The following GFPT2 variants were observed in gnomAD, a reference collection of about 807,000 sequenced individuals.
GFPT2 encodes glutamine--fructose-6-phosphate transaminase 2, also known as glutamine--fructose-6-phosphate aminotransferase [isomerizing] 2.
GFPT2 carries 62 observed loss-of-function variants against 85.6 expected under a neutral mutation model. That is an observed-to-expected ratio of 0.72 (90% CI 0.59 to 0.90). GFPT2 has a LOEUF of 0.90. GFPT2 is among the 40% of genes least tolerant of loss of function. The pLI, the probability that GFPT2 is intolerant of heterozygous loss-of-function variation, is 0.00. For synonymous variants in GFPT2, 368 were observed against 344.5 expected, an observed-to-expected ratio of 1.07 and a Z score of -0.75; for missense variants, 788 against 893.4, an observed-to-expected ratio of 0.88 and a Z score of 1.50.
At chr5:180,320,201 C>T (rs1204592476) in intron 9 of GFPT2, among the ~76,000 whole-genome samples, 2 of 151,892 alleles carry the variant, frequency 1.3e-5, no homozygotes, top group African/African-American at 4.8e-5. Context: ...ACCGTGTTAG[C>T]CAGGATGGTC....
chr5:180,327,695 T>A (rs969846455), intron 7 of GFPT2, among the ~76,000 whole-genome samples: 1 of 152,200 alleles, frequency 6.6e-6, no homozygotes, highest in Admixed American at 6.5e-5. Flanking sequence ...GATCAACCTA[T>A]GTGAATATAA....
At chr5:180,309,960 A>C (rs2386858) in intron 15 of GFPT2, among the ~76,000 whole-genome samples, 1 of 150,736 alleles carries the variant, frequency 6.6e-6, no homozygotes, top group Non-Finnish European at 1.5e-5. Context: ...ACAGGTGCCC[A>C]CCACCACGCC....
intron 17 of GFPT2, among the ~76,000 whole-genome samples, chr5:180,303,892 G>A (rs1561870499): frequency 6.6e-6 from 1 of 152,170 alleles, no homozygotes. Context: ...ATAGTTCCAG[G>A]ATGGCGTCTG....
At chr5:180,331,359 T>C (rs1764296837) in intron 5 of GFPT2, 136 bp downstream of exon 5, 1 of 640,874 alleles carries the variant, frequency 1.6e-6, no homozygotes, top group African/African-American at 1.8e-5. Flanking sequence ...AGGTTTCTTC[T>C]CAACACGGTG....
At position 180,304,900 on chromosome 5, in the gene GFPT2, G is replaced by A. The variant is rs1341274719; in HGVS notation, c.1714C>T (p.Leu572=). Residue 572 remains leucine, a synonymous_variant, in exon 17 of 19, where the codon CTG becomes TTG. Coordinates refer to ENST00000253778, the MANE Select transcript of GFPT2 (RefSeq NM_005110.4). ...GGCCCGTGCTTCAGCTCCCCAGCCA[G>A]GATGCCTTCTGAGTGCATGTAGGTT... ...EITYMHSEGI[L]AGELKHGPLA... The A allele has an allele frequency of 7.4e-6, 12 of 1,613,356 alleles. No individual in the cohort carries two copies. The highest frequency in any genetic ancestry group is 1.0e-5 in the Non-Finnish European group (12 of 1,179,260).
At chr5:180,345,044 A>T (rs552134386) in intron 1 of GFPT2, among the ~76,000 whole-genome samples, 161 of 152,310 alleles carry the variant, frequency 1.1e-3, no homozygotes, top group Non-Finnish European at 1.9e-3. Flanking sequence ...CCTTGATTTC[A>T]GTGCACTCTC....
chr5:180,349,873 T>C (rs1764677717), intron 1 of GFPT2, among the ~76,000 whole-genome samples: 1 of 147,712 alleles, frequency 6.8e-6, no homozygotes, highest in African/African-American at 2.5e-5. Flanking sequence ...CTCTTCACAG[T>C]GATTGTTTTT....
At chr5:180,313,534 G>C (rs1168182224) in intron 14 of GFPT2, among the ~76,000 whole-genome samples, 1 of 151,568 alleles carries the variant, frequency 6.6e-6, no homozygotes, top group East Asian at 2.0e-4. Flanking sequence ...AGCTTGCAGT[G>C]AGCCGAGATC....
Position 180,321,909 on chromosome 5 carries a change from G to A in GFPT2, c.794+2279C>T, listed in dbSNP as rs556900980. On this transcript the variant is annotated intron_variant, in intron 9 of 18. Transcript: ENST00000253778. Reference sequence around the variant, plus strand: ...CGCCATTCTCCTGCCTCAGCCTCCCGAGTAGCTGGGACTACAGGCCTCCGC... The same window carrying A: ...CGCCATTCTCCTGCCTCAGCCTCCCAAGTAGCTGGGACTACAGGCCTCCGC... Among the ~76,000 whole-genome samples, 31 of 152,118 alleles carry A rather than the reference G, an allele frequency of 2.0e-4. 1 individual carries two copies. In the East Asian group the frequency reaches 4.4e-3, roughly 22 times the overall value.
chr5:180,304,968 C>A (rs1271865953), intron 16 of GFPT2, 29 bp from the exon 17 acceptor site: 1 of 1,544,524 alleles, frequency 6.5e-7, no homozygotes, highest in Non-Finnish European at 8.9e-7. Context: ...ATCAGAGTCA[C>A]ACTGGGCAGA....
intron 1 of GFPT2, among the ~76,000 whole-genome samples, chr5:180,351,134 C>G (rs549806585): frequency 6.6e-6 from 1 of 152,148 alleles, no homozygotes; most frequent in African/African-American, 2.4e-5. Flanking sequence ...TGAATTCATG[C>G]CAAAAGAAAA....
At chr5:180,316,931 G>A (rs753238991) in intron 11 of GFPT2, 32 bp downstream of exon 11, 1 of 1,558,712 alleles carries the variant, frequency 6.4e-7, no homozygotes, top group South Asian at 1.1e-5. Context: ...ACTAGGCTCG[G>A]GCGGAGGCTC....
intron 4 of GFPT2, among the ~76,000 whole-genome samples, chr5:180,332,631 G>A (rs1008677974): frequency 6.6e-6 from 1 of 152,038 alleles, no homozygotes; most frequent in Non-Finnish European, 1.5e-5. Flanking sequence ...GCTGCCTCCC[G>A]GGTTCAAGCG....
intron 4 of GFPT2, 163 bp from the exon 5 acceptor site, chr5:180,331,716 A>T (rs1581383118): frequency 1.5e-6 from 1 of 651,266 alleles, no homozygotes; most frequent in Non-Finnish European, 2.8e-6. Flanking sequence ...TTACGGCAGC[A>T]ACTACAGTGG....
At chr5:180,313,250 AC>A (rs938453072) in intron 14 of GFPT2, among the ~76,000 whole-genome samples, 3 of 152,132 alleles carry the variant, frequency 2.0e-5, no homozygotes, top group African/African-American at 7.2e-5. Context: ...CCACAGGACA[AC>A]ATGGACGAAA....
chr5:180,320,602 G>A (rs899817066), intron 9 of GFPT2, among the ~76,000 whole-genome samples: 7 of 151,974 alleles, frequency 4.6e-5, no homozygotes, highest in Admixed American at 3.3e-4. Context: ...GCAAAACCCC[G>A]TCTCTACTAA....
chr5:180,331,001 T>C, intron 5 of GFPT2, 167 bp from the exon 6 acceptor site: 1 of 622,960 alleles, frequency 1.6e-6, no homozygotes, highest in Non-Finnish European at 2.8e-6. Flanking sequence ...CAAATACCTC[T>C]GAGTCACTCC....
rs1278156994 is a variant in GFPT2 at position 180,318,966 on chromosome 5, G to A, written c.795-10C>T. ...GTGCTCTATGATAGCGCTGGGGCAA[G>A]GGAAACAGGCATCATCAGTGCCCTG... On this transcript the variant is annotated splice_polypyrimidine_tract_variant and intron_variant, in intron 9 of 18. Coordinates refer to ENST00000253778, the MANE Select transcript of GFPT2 (RefSeq NM_005110.4). The surrounding 1 kb of genome is among the most constrained non-coding windows in gnomAD (Gnocchi z 4.2). The A allele has an allele frequency of 3.1e-6, 5 of 1,610,646 alleles. No homozygotes were observed. Among genetic ancestry groups the A allele is most frequent in the Admixed American group, 1.7e-5 (1 of 59,982 alleles).
chr5:180,316,143 C>T (rs1490561211), intron 13 of GFPT2, among the ~76,000 whole-genome samples, 198 bp downstream of exon 13: 1 of 151,896 alleles, frequency 6.6e-6, no homozygotes, highest in African/African-American at 2.4e-5. Flanking sequence ...CACCCCCTGA[C>T]TGCATGGCCT....
Sources: gnomAD v4.1 joint callset for allele counts (sites outside exome capture counted in the v4.1 genomes callset) on GRCh38, gnomAD v4.1.1 for gene constraint, Gnocchi (gnomAD v3.1) non-coding constraint, MANE v1.5 for transcripts, NCBI Gene and HGNC (gene_info 2026-07-23, HGNC 2026-07-21) for gene names.